VCPIP1: variants seen among roughly 807,000 people sequenced by gnomAD.
VCPIP1 encodes the protein deubiquitinating protein VCPIP1.
In VCPIP1, 8 loss-of-function variants were observed where a neutral mutation model predicts 85.0. The observed-to-expected ratio is 0.09, with a 90% CI of 0.06 to 0.17. VCPIP1 has a LOEUF of 0.17. Ranked by LOEUF, VCPIP1 falls within the 10% of genes least tolerant of loss-of-function variation. The probability of loss-of-function intolerance (pLI) is 1.00; values close to 1 mark genes in which losing one functional copy is unlikely to be tolerated. For synonymous variants in VCPIP1, 543 were observed against 544.5 expected, an observed-to-expected ratio of 1.00 and a Z score of 0.04; for missense variants, 1,070 against 1,486.3, an observed-to-expected ratio of 0.72 and a Z score of 4.61.
chr8:66,630,528 T>C lies in VCPIP1; in HGVS notation c.*3973A>G, dbSNP rs1369017098. 6 of 152,570 alleles carry C rather than the reference T, an allele frequency of 3.9e-5. No individual in the cohort carries two copies. The highest frequency in any genetic ancestry group is 7.3e-5 in the Non-Finnish European group (5 of 68,028). 9.5% of individuals were successfully genotyped at this position (152,570 alleles called of 1,614,324 possible). On this transcript the variant is annotated 3_prime_UTR_variant, in exon 3 of 3. Transcript: ENST00000310421. ...AAAAGTAGGCAATACCTTAAAAATT[T>C]AAAAACTAAGTAATTGATACTCACA...
intron 1 of VCPIP1, among the ~76,000 whole-genome samples, chr8:66,663,270 G>A (rs1306373014): frequency 3.9e-5 from 6 of 152,106 alleles, no homozygotes; most frequent in African/African-American, 1.2e-4. Context: ...AGATAAGCCA[G>A]GAGTAGTATT....
At chr8:66,640,556 G>A (rs962763035) in intron 2 of VCPIP1, among the ~76,000 whole-genome samples, 13 of 152,294 alleles carry the variant, frequency 8.5e-5, no homozygotes, top group East Asian at 1.9e-4. Context: ...CTGTTTTTCC[G>A]CTCAAATGTT....
Position 66,665,804 on chromosome 8 carries a change from A to C in VCPIP1, c.1155T>G (p.Ile385Met). Residue 385 changes from isoleucine to methionine, a missense_variant, in exon 1 of 3, where the codon ATT becomes ATG. By Grantham distance (10) the Ile-to-Met change is conservative (BLOSUM62 1). Around this residue, in one of 8 missense-constraint regions of VCPIP1, gnomAD observed 83 missense variants for 134.6 expected, o/e 0.62. Transcript: ENST00000310421. This position sits in a 1 kb window ranked among gnomAD's most constrained non-coding sequence, Gnocchi z 4.3. ...CCTCTTCAAGTTTTATGTACTTTTT[A>C]ATAAGGTCCTGAGGCACACCCCATG... ...PKAWGVPQDL[I>M]KKYIKLEEDG... is the part of the protein sequence containing the mutation. 1 of 1,614,192 alleles carries C rather than the reference A, an allele frequency of 6.2e-7. No individual in the cohort carries two copies. The highest frequency in any genetic ancestry group is 2.2e-5 in the East Asian group (1 of 44,882).
At chr8:66,661,880 C>T (rs1811161597) in intron 1 of VCPIP1, among the ~76,000 whole-genome samples, 1 of 150,606 alleles carries the variant, frequency 6.6e-6, no homozygotes. Flanking sequence ...TCTCCTGCCT[C>T]AGCCTCCTGA....
intron 1 of VCPIP1, among the ~76,000 whole-genome samples, chr8:66,659,511 C>G (rs1376212504): frequency 2.6e-5 from 4 of 151,966 alleles, no homozygotes; most frequent in African/African-American, 7.3e-5. Context: ...TGTACTAAGC[C>G]AAAGACTAAT....
At position 66,635,163 on chromosome 8, in the gene VCPIP1, G is replaced by T; in HGVS notation, c.3007C>A (p.Leu1003Ile). 1 of 1,614,130 alleles carries T rather than the reference G, an allele frequency of 6.2e-7. No homozygotes were observed. Among genetic ancestry groups the T allele is most frequent in the Non-Finnish European group, 8.5e-7 (1 of 1,180,036 alleles). ...ACTCCACCACTACCTAGTTTTAATA[G>T]CCCATGTGAGGGACTTGATTCCCTA... is the stretch of plus-strand genomic sequence containing the variant. ...RSRESSPSHGLLKLGSGGVVK... is the reference protein window; with the variant it reads ...RSRESSPSHGILKLGSGGVVK... The change falls in exon 3 of 3, where the codon CTA (leucine) becomes ATA (isoleucine). Residue 1003 changes from leucine (L) to isoleucine (I), a missense_variant. Transcript: ENST00000310421.
chr8:66,639,013 C>G (rs1302330670), intron 2 of VCPIP1, among the ~76,000 whole-genome samples: 9 of 146,722 alleles, frequency 6.1e-5, no homozygotes, highest in Non-Finnish European at 1.2e-4. Context: ...GACAGGGTCT[C>G]ACTCTGTCAA....
chr8:66,631,391 C>T lies in VCPIP1; in HGVS notation c.*3110G>A, dbSNP rs1586619245. The T allele has an allele frequency of 6.5e-6, 1 of 154,440 alleles. No homozygotes were observed. The highest frequency in any genetic ancestry group is 1.5e-5 in the Non-Finnish European group (1 of 67,998). 9.6% of individuals were successfully genotyped at this position (154,440 alleles called of 1,614,324 possible). A position where few individuals can be genotyped will look rare whatever the true frequency, so the allele number is the denominator to read the frequency against. The stretch of plus-strand genomic sequence containing the variant: ...AGCAGATAGTATTGGTAGGTAACTA[C>T]ATAAAACAATACTTTTATACATTTT... On this transcript the variant is annotated 3_prime_UTR_variant, in exon 3 of 3. Coordinates refer to ENST00000310421, the MANE Select transcript of VCPIP1 (RefSeq NM_025054.5).
At chr8:66,658,027 GA>G (rs1269570618) in intron 1 of VCPIP1, among the ~76,000 whole-genome samples, 1 of 152,076 alleles carries the variant, frequency 6.6e-6, no homozygotes, top group East Asian at 1.9e-4. Context: ...AGGGCTATCA[GA>G]AGGCATAGAA....
intron 2 of VCPIP1, among the ~76,000 whole-genome samples, chr8:66,647,365 A>G (rs1446935629): frequency 2.0e-5 from 3 of 151,792 alleles, no homozygotes; most frequent in Admixed American, 2.0e-4. Flanking sequence ...GTAAATAAGT[A>G]AGTAAATAAA....
intron 2 of VCPIP1, among the ~76,000 whole-genome samples, chr8:66,649,890 T>C (rs939132002): frequency 2.6e-5 from 4 of 152,034 alleles, no homozygotes; most frequent in African/African-American, 7.2e-5. Context: ...AATAATCCTG[T>C]CTTAAAAGAA....
intron 1 of VCPIP1, among the ~76,000 whole-genome samples, chr8:66,655,499 G>A (rs1242436738): frequency 3.3e-5 from 5 of 152,264 alleles, no homozygotes; most frequent in East Asian, 1.9e-4. Context: ...CACCCTTGGC[G>A]GAGTGAATAT....
intron 2 of VCPIP1, among the ~76,000 whole-genome samples, chr8:66,637,346 TA>T (rs1225098187): frequency 6.6e-6 from 1 of 151,888 alleles, no homozygotes; most frequent in Non-Finnish European, 1.5e-5. Context: ...AGAAACTGTC[TA>T]AAAACAAAAC....
chr8:66,636,757 T>A (rs1810891549), intron 2 of VCPIP1, among the ~76,000 whole-genome samples: 1 of 150,000 alleles, frequency 6.7e-6, no homozygotes, highest in Non-Finnish European at 1.5e-5. Context: ...AAAAAAAAAT[T>A]CAGATAAATA....
At chr8:66,647,908 T>G (rs907577923) in intron 2 of VCPIP1, among the ~76,000 whole-genome samples, 3 of 152,130 alleles carry the variant, frequency 2.0e-5, no homozygotes, top group Non-Finnish European at 4.4e-5. Context: ...CTCAGCCTCC[T>G]GAGTAGCTGG....
intron 2 of VCPIP1, among the ~76,000 whole-genome samples, chr8:66,639,321 C>CTTTTTTTTTT (rs57563619): frequency 3.4e-4 from 23 of 67,804 alleles, no homozygotes; most frequent in East Asian, 5.3e-4. Context: ...TAATTTTATT[C>CTTTTTTTTTT]TTTTTTTTTT....
Position 66,634,882 on chromosome 8 carries a change from C to T in VCPIP1, c.3288G>A (p.Gln1096=), listed in dbSNP as rs186506124. 4.0e-4 allele frequency: 652 copies of T among 1,614,034 alleles called. 5 individuals carry two copies. In the East Asian group the frequency reaches 0.011, roughly 27 times the overall value. ...PGVVTMRDGR[Q]LDPDLVEAQR... is the part of the protein sequence containing the mutation. ...GGGCCTCAACCAAATCAGGATCAAG[C>T]TGCCTGCCGTCTCTCATTGTTACTA... is the stretch of plus-strand genomic sequence containing the variant. The change falls in exon 3 of 3, where the codon CAG becomes CAA. Residue 1096 remains glutamine (Q), a synonymous_variant. Coordinates refer to ENST00000310421, the MANE Select transcript of VCPIP1 (RefSeq NM_025054.5).
chr8:66,641,228 G>A (rs183246017), intron 2 of VCPIP1, among the ~76,000 whole-genome samples: 6 of 152,212 alleles, frequency 3.9e-5, no homozygotes, highest in Non-Finnish European at 7.4e-5. Context: ...GAACTATCCC[G>A]TTTCAACTCC....
intron 2 of VCPIP1, among the ~76,000 whole-genome samples, chr8:66,640,524 C>T (rs1246332130): frequency 1.3e-5 from 2 of 152,202 alleles, no homozygotes; most frequent in Non-Finnish European, 2.9e-5. Flanking sequence ...GGACCCGCGG[C>T]CCAAAGTGAG....
Sources: allele counts gnomAD v4.1 joint callset (sites outside exome capture counted in the v4.1 genomes callset), GRCh38; gene constraint gnomAD v4.1.1; regional missense constraint gnomAD v4.1.1; non-coding constraint Gnocchi (gnomAD v3.1); transcripts MANE v1.5; gene names NCBI Gene and HGNC (gene_info 2026-07-23, HGNC 2026-07-21).